Variants in CACNA2D1 observed in about 807,000 individuals in gnomAD.
CACNA2D1 encodes calcium voltage-gated channel auxiliary subunit alpha2delta 1, also known as voltage-dependent calcium channel subunit alpha-2/delta-1.
In CACNA2D1, 53 loss-of-function variants were observed where a neutral mutation model predicts 171.5. That is an observed-to-expected ratio of 0.31 (90% CI 0.25 to 0.39). CACNA2D1 has a LOEUF of 0.39. CACNA2D1 is among the 10% of genes least tolerant of loss of function. CACNA2D1 has a pLI of 1.00. For missense variants in CACNA2D1, 903 were observed against 1,299.8 expected (o/e 0.69, Z 4.69); for synonymous variants, 442 against 443.1 (o/e 1.00, Z 0.03).
At chr7:82,339,530 A>G (rs2129444788) in intron 2 of CACNA2D1, among the ~76,000 whole-genome samples, 1 of 152,266 alleles carries the variant, frequency 6.6e-6, no homozygotes, top group African/African-American at 2.4e-5. Flanking sequence ...CTTCTAACCA[A>G]TTGTATCAGG....
At chr7:82,002,087 C>A (rs374783462) in intron 18 of CACNA2D1, among the ~76,000 whole-genome samples, 1 of 146,298 alleles carries the variant, frequency 6.8e-6, no homozygotes, top group East Asian at 2.0e-4. Context: ...AAAAAATTGA[C>A]CCAAATATAA....
At chr7:82,429,235 C>G (rs1167907307) in intron 1 of CACNA2D1, among the ~76,000 whole-genome samples, 1 of 152,136 alleles carries the variant, frequency 6.6e-6, no homozygotes, top group Non-Finnish European at 1.5e-5. Context: ...TATCTTATAA[C>G]TTTCACTTGA....
At position 82,012,254 on chromosome 7, in the gene CACNA2D1, G is replaced by GA. The variant is rs4019047; in HGVS notation, c.1273-12dup. 0.027 allele frequency: 32,681 copies of GA among 1,189,012 alleles called. 3 individuals are homozygous for GA. The highest frequency in any genetic ancestry group is 0.031 in the Non-Finnish European group (25,939 of 831,730). 73.7% of individuals were successfully genotyped at this position (1,189,012 alleles called of 1,614,324 possible). On this transcript the variant is annotated splice_polypyrimidine_tract_variant and intron_variant, in intron 14 of 38. Transcript: ENST00000356860. The stretch of plus-strand genomic sequence containing the variant: ...AACATCCAAATATTCCTGTTTATGG[G>GA]AAAAAAAAAAAAAGTCGTGGTTAAA...
At chr7:82,154,935 A>G (rs1000330435) in intron 4 of CACNA2D1, among the ~76,000 whole-genome samples, 1 of 152,060 alleles carries the variant, frequency 6.6e-6, no homozygotes, top group African/African-American at 2.4e-5. Flanking sequence ...GGGCCTGGTG[A>G]GAGGTGACTG....
chr7:82,022,500 T>C (rs1801354340), intron 12 of CACNA2D1, among the ~76,000 whole-genome samples: 1 of 151,912 alleles, frequency 6.6e-6, no homozygotes, highest in African/African-American at 2.4e-5. Context: ...ATGTCTTTCA[T>C]TATCATATAT....
At chr7:82,063,580 G>A (rs1270286672) in intron 9 of CACNA2D1, among the ~76,000 whole-genome samples, 1 of 151,020 alleles carries the variant, frequency 6.6e-6, no homozygotes, top group Non-Finnish European at 1.5e-5. Flanking sequence ...TTTCCTCAGG[G>A]AAAAACATGA....
intron 38 of CACNA2D1, among the ~76,000 whole-genome samples, chr7:81,957,696 C>T (rs1241198410): frequency 2.0e-5 from 3 of 152,054 alleles, no homozygotes; most frequent in Non-Finnish European, 4.4e-5. Flanking sequence ...TAAGCATTAC[C>T]AAAATAACTC....
chr7:82,177,965 A>C (rs1376152785), intron 3 of CACNA2D1, among the ~76,000 whole-genome samples: 1 of 152,112 alleles, frequency 6.6e-6, no homozygotes, highest in Non-Finnish European at 1.5e-5. Flanking sequence ...ATACAGATTA[A>C]CTCTTTTTGA....
At position 82,338,870 on chromosome 7, in the gene CACNA2D1, C is replaced by T. The variant is rs1013044193; in HGVS notation, c.178-3619G>A. Among the ~76,000 whole-genome samples, 26 of 152,166 alleles carry T rather than the reference C, an allele frequency of 1.7e-4. No homozygotes were observed. In the East Asian group the frequency reaches 4.3e-3, roughly 25 times the overall value. On this transcript the variant is annotated intron_variant, in intron 2 of 38. Coordinates refer to ENST00000356860, the MANE Select transcript of CACNA2D1 (RefSeq NM_000722.4). ...GGTATGTCTGCTAGGAGATAGGCTC[C>T]GTGCAGGATCAAAGAAATTCTAATG...
At chr7:82,196,523 A>G (rs993939501) in intron 3 of CACNA2D1, among the ~76,000 whole-genome samples, 2 of 152,004 alleles carry the variant, frequency 1.3e-5, no homozygotes, top group Non-Finnish European at 2.9e-5. Flanking sequence ...AAGATTCAAG[A>G]AATACTAAGG....
At chr7:82,019,089 A>T (rs546177311) in intron 12 of CACNA2D1, among the ~76,000 whole-genome samples, 1 of 151,962 alleles carries the variant, frequency 6.6e-6, no homozygotes, top group Non-Finnish European at 1.5e-5. Context: ...TGGGAGGCTG[A>T]GGCAGGTGGA....
intron 1 of CACNA2D1, among the ~76,000 whole-genome samples, chr7:82,414,028 T>C (rs1651518837): frequency 6.6e-6 from 1 of 152,180 alleles, no homozygotes. Context: ...AGGCTATTTA[T>C]GTAGCAAAAT....
chr7:82,127,988 A>G (rs138346754), intron 5 of CACNA2D1, among the ~76,000 whole-genome samples: 63 of 152,260 alleles, frequency 4.1e-4, no homozygotes, highest in African/African-American at 4.8e-4. Context: ...CAGTGGCACA[A>G]TATCAGCTCA....
chr7:82,184,369 T>A (rs1160057912), intron 3 of CACNA2D1, among the ~76,000 whole-genome samples: 1 of 152,074 alleles, frequency 6.6e-6, no homozygotes, highest in Non-Finnish European at 1.5e-5. Flanking sequence ...CATCATCCAC[T>A]AATAATCTGA....
At chr7:82,138,426 G>GTTTTTTT (rs1159205363) in intron 4 of CACNA2D1, among the ~76,000 whole-genome samples, 1 of 101,314 alleles carries the variant, frequency 9.9e-6, no homozygotes. Flanking sequence ...TATAGCATTA[G>GTTTTTTT]TTTTGTTTTT....
intron 16 of CACNA2D1, among the ~76,000 whole-genome samples, chr7:82,006,685 T>C (rs186984852): frequency 1.3e-5 from 2 of 152,190 alleles, no homozygotes; most frequent in East Asian, 3.9e-4. Context: ...ACTGAAGCAA[T>C]CTCTTAGTTC....
At chr7:82,155,513 GTAAA>G (rs1214324752) in intron 4 of CACNA2D1, among the ~76,000 whole-genome samples, 3 of 151,904 alleles carry the variant, frequency 2.0e-5, no homozygotes, top group Admixed American at 6.6e-5. Context: ...ATTTTTTTGT[GTAAA>G]TAAATATATT....
chr7:82,169,082 G>A (rs934700383), intron 4 of CACNA2D1, among the ~76,000 whole-genome samples: 2 of 151,984 alleles, frequency 1.3e-5, no homozygotes, highest in Non-Finnish European at 2.9e-5. Flanking sequence ...TATATTTAAT[G>A]TTGTTAATCA....
intron 1 of CACNA2D1, among the ~76,000 whole-genome samples, chr7:82,363,388 C>T (rs1821311558): frequency 6.6e-6 from 1 of 151,294 alleles, no homozygotes; most frequent in Non-Finnish European, 1.5e-5. Context: ...CCTCAGCCTC[C>T]CCAGTAGCTG....
Sources: gnomAD v4.1 joint callset for allele counts (sites outside exome capture counted in the v4.1 genomes callset) on GRCh38, gnomAD v4.1.1 for gene constraint, MANE v1.5 for transcripts, NCBI Gene and HGNC (gene_info 2026-07-23, HGNC 2026-07-21) for gene names.